ANKS1B: variants seen among roughly 807,000 people sequenced by gnomAD.
ANKS1B encodes the protein ankyrin repeat and sterile alpha motif domain-containing protein 1B.
ANKS1B carries 36 observed loss-of-function variants against 148.3 expected under a neutral mutation model. The ratio of observed to expected loss-of-function variants is 0.24; its 90% CI spans 0.19 to 0.32. The LOEUF (loss-of-function observed/expected upper bound fraction) is 0.32. Ranked by LOEUF, ANKS1B falls within the 10% of genes least tolerant of loss-of-function variation. The pLI is 1.00. For missense variants in ANKS1B, 1,157 were observed against 1,542.6 expected (o/e 0.75, Z 4.19); for synonymous variants, 542 against 560.8 (o/e 0.97, Z 0.47).
chr12:99,609,378 C>T (rs747486042), intron 9 of ANKS1B, among the ~76,000 whole-genome samples: 3 of 151,744 alleles, frequency 2.0e-5, no homozygotes, highest in Non-Finnish European at 4.4e-5. Flanking sequence ...TACGACTTAA[C>T]CAGTGATGAG....
At chr12:99,047,342 G>A (rs560094320) in intron 17 of ANKS1B, among the ~76,000 whole-genome samples, 40 of 152,348 alleles carry the variant, frequency 2.6e-4, no homozygotes, top group Admixed American at 9.1e-4. Flanking sequence ...GGAGGTTGCA[G>A]TGAGCTGAGA....
At chr12:99,409,703 C>A in intron 11 of ANKS1B, among the ~76,000 whole-genome samples, 2 of 151,400 alleles carry the variant, frequency 1.3e-5, no homozygotes, top group Non-Finnish European at 2.9e-5. Flanking sequence ...GGAATAACAG[C>A]AATGGGAGAA....
intron 8 of ANKS1B, among the ~76,000 whole-genome samples, chr12:99,684,855 G>C (rs2098640724): frequency 2.0e-5 from 3 of 152,070 alleles, no homozygotes; most frequent in Admixed American, 6.6e-5. Flanking sequence ...AAATAGTGCT[G>C]GGATAATTGG....
intron 8 of ANKS1B, among the ~76,000 whole-genome samples, chr12:99,741,299 T>C (rs184857702): frequency 1.1e-4 from 17 of 151,856 alleles, no homozygotes; most frequent in African/African-American, 3.9e-4. Context: ...AGCTTTACAC[T>C]GTTGATGGGA....
At chr12:98,881,143 T>C (rs1003848844) in intron 17 of ANKS1B, among the ~76,000 whole-genome samples, 1 of 152,228 alleles carries the variant, frequency 6.6e-6, no homozygotes, top group Admixed American at 6.5e-5. Flanking sequence ...ATTTCCATTT[T>C]ATATTTGGTA....
chr12:99,399,576 A>G lies in ANKS1B; in HGVS notation c.1756+55T>C, dbSNP rs546751767. 5.9e-3 allele frequency: 9,324 copies of G among 1,575,976 alleles called. 54 individuals are homozygous for G. Among genetic ancestry groups the G allele is most frequent in the Middle Eastern group, 7.2e-3 (40 of 5,578 alleles). On this transcript the variant is annotated intron_variant, in intron 12 of 26. Transcript: ENST00000683438. ...AGACTCCTCCTAATTCCTCTAACTC[A>G]TAAATACTTCAGTCTTAAAATAAAA...
chr12:99,636,767 G>A (rs1033611349), intron 9 of ANKS1B, among the ~76,000 whole-genome samples: 2 of 152,076 alleles, frequency 1.3e-5, no homozygotes, highest in African/African-American at 2.4e-5. Flanking sequence ...TGAATGAGAA[G>A]AACCATGAAA....
intron 8 of ANKS1B, among the ~76,000 whole-genome samples, chr12:99,766,379 G>T (rs2062646482): frequency 6.6e-6 from 1 of 152,122 alleles, no homozygotes; most frequent in South Asian, 2.1e-4. Context: ...TCAGAAAAAT[G>T]ACTCTTTTAT....
intron 12 of ANKS1B, among the ~76,000 whole-genome samples, chr12:99,338,161 G>A (rs1280521199): frequency 6.6e-6 from 1 of 152,072 alleles, no homozygotes; most frequent in Non-Finnish European, 1.5e-5. Flanking sequence ...ATGCTGTCCG[G>A]GAACCACAGC....
chr12:99,534,535 C>T (rs530492706), intron 9 of ANKS1B, among the ~76,000 whole-genome samples: 70 of 152,200 alleles, frequency 4.6e-4, no homozygotes, highest in African/African-American at 1.4e-3. Context: ...AATATACATT[C>T]GAGGCTGTGA....
chr12:99,200,234 T>C (rs1601624068), intron 14 of ANKS1B, among the ~76,000 whole-genome samples: 1 of 152,238 alleles, frequency 6.6e-6, no homozygotes. Flanking sequence ...ACAGTGGAAC[T>C]ACATCATAAG....
chr12:99,375,751 A>G (rs2093364377), intron 12 of ANKS1B, among the ~76,000 whole-genome samples: 2 of 152,210 alleles, frequency 1.3e-5, no homozygotes, highest in African/African-American at 4.8e-5. Context: ...ACTTGAAACT[A>G]TTTTCAGAAA....
chr12:98,797,354 T>A lies in ANKS1B; in HGVS notation c.3342+1580A>T, dbSNP rs187471564. ...TCTCAGATTGGCAAGTTATTCCCTGTGTGACCTTGAGCAAGTTATTCAACC... is the reference window on the plus strand; with the variant it reads ...TCTCAGATTGGCAAGTTATTCCCTGAGTGACCTTGAGCAAGTTATTCAACC... On this transcript the variant is annotated intron_variant, in intron 22 of 26. Transcript: ENST00000683438. 3.9e-4 allele frequency among the ~76,000 whole-genome samples: 60 copies of A among 152,344 alleles called. 1 individual carries two copies. The East Asian group carries it at 0.012, about 29-fold the overall frequency.
At chr12:99,654,889 A>C (rs1227569931) in intron 9 of ANKS1B, among the ~76,000 whole-genome samples, 178 bp downstream of exon 9, 1 of 152,226 alleles carries the variant, frequency 6.6e-6, no homozygotes, top group Non-Finnish European at 1.5e-5. Context: ...GCATATGTAC[A>C]CATATGCACA....
At chr12:99,648,890 T>C (rs1242821340) in intron 9 of ANKS1B, 1 of 1,433,142 alleles carries the variant, frequency 7.0e-7, no homozygotes, top group Non-Finnish European at 9.3e-7. Context: ...GGGAAATGCA[T>C]TGCATTTGGA....
intron 16 of ANKS1B, among the ~76,000 whole-genome samples, chr12:99,069,598 C>T (rs1347392652): frequency 6.6e-6 from 1 of 152,136 alleles, no homozygotes; most frequent in African/African-American, 2.4e-5. Flanking sequence ...TAAAGTGTAT[C>T]CATTTAGCAC....
At chr12:99,554,307 G>C (rs2153177595) in intron 9 of ANKS1B, among the ~76,000 whole-genome samples, 1 of 152,246 alleles carries the variant, frequency 6.6e-6, no homozygotes, top group African/African-American at 2.4e-5. Flanking sequence ...AGAGGAATAA[G>C]GAAGGATAGA....
intron 8 of ANKS1B, among the ~76,000 whole-genome samples, chr12:99,696,357 C>G (rs2053914382): frequency 6.6e-6 from 1 of 152,012 alleles, no homozygotes; most frequent in African/African-American, 2.4e-5. Context: ...CTACAATAAT[C>G]AAGACAGTGT....
chr12:99,006,558 T>C (rs2099936258), intron 17 of ANKS1B, among the ~76,000 whole-genome samples: 1 of 152,212 alleles, frequency 6.6e-6, no homozygotes, highest in Non-Finnish European at 1.5e-5. Flanking sequence ...AACAGTCCTA[T>C]TCGACAGGCC....
Sources: gnomAD v4.1 joint callset for allele counts (sites outside exome capture counted in the v4.1 genomes callset) on GRCh38, gnomAD v4.1.1 for gene constraint, MANE v1.5 for transcripts, NCBI Gene and HGNC (gene_info 2026-07-23, HGNC 2026-07-21) for gene names.